MRPL4: variants seen among roughly 807,000 people sequenced by gnomAD.
MRPL4 encodes the protein mitochondrial ribosomal protein L4.
Under a neutral mutation model 34.1 loss-of-function variants are expected in MRPL4, and 34 were observed. The observed-to-expected ratio is 1.00, with a 90% CI of 0.76 to 1.33. The LOEUF (loss-of-function observed/expected upper bound fraction) is 1.33. Among genes scored for constraint, MRPL4 ranks in the 40% most tolerant of loss-of-function variants. The pLI is 0.00. For synonymous variants in MRPL4, 196 were observed against 188.3 expected (o/e 1.04, Z -0.33); for missense variants, 402 against 434.6 (o/e 0.92, Z 0.67).
chr19:10,254,659 C>A lies in MRPL4; in HGVS notation c.327+19C>A. On this transcript the variant is annotated intron_variant, in intron 4 of 8. Coordinates refer to ENST00000253099, the MANE Select transcript of MRPL4 (RefSeq NM_015956.3). ...GAGAATTGTGAGTGCCTAAATGGAG[C>A]AAGGTGGTGGGAAGGAGCTTCCTGG... The A allele has an allele frequency of 6.2e-7, 1 of 1,613,582 alleles. No individual in the cohort carries two copies. The highest frequency in any genetic ancestry group is 8.5e-7 in the Non-Finnish European group (1 of 1,179,640).
chr19:10,255,473 A>T (rs1478125307), intron 4 of MRPL4: 2 of 152,744 alleles, frequency 1.3e-5, no homozygotes, highest in Non-Finnish European at 2.9e-5. Context: ...CTACTGTAGA[A>T]GCTAACCAGA....
chr19:10,251,978 G>C (rs1381408764), upstream of MRPL4: 1 of 518,808 alleles, frequency 1.9e-6, no homozygotes, highest in African/African-American at 2.0e-5. Flanking sequence ...AAGTAGGCTA[G>C]GCCTACGGAA....
chr19:10,254,508 G>A (rs1175123321), intron 3 of MRPL4, 81 bp from the exon 4 acceptor site: 4 of 1,543,112 alleles, frequency 2.6e-6, no homozygotes, highest in Non-Finnish European at 2.7e-6. Flanking sequence ...GAGGCAGAAG[G>A]GAGAATCCTG....
intron 3 of MRPL4, among the ~76,000 whole-genome samples, chr19:10,253,722 A>G (rs926389933): frequency 2.0e-5 from 3 of 151,374 alleles, no homozygotes; most frequent in African/African-American, 7.3e-5. Context: ...ACCTGGGGAG[A>G]TGGAGGTTGC....
chr19:10,254,949 T>C, intron 4 of MRPL4: 1 of 200,628 alleles, frequency 5.0e-6, no homozygotes. Flanking sequence ...GGATTACAGG[T>C]GTGCACCACC....
In MRPL4 at chr19:10,252,282, G is replaced by T. The variant is rs760584743; in HGVS notation, c.29G>T (p.Arg10Leu). Residue 10 changes from arginine (R) to leucine (L), a missense_variant, in exon 1 of 9, where the codon CGG becomes CTG. By Grantham distance (102) the Arg-to-Leu change is moderately radical (BLOSUM62 -2). Coordinates refer to ENST00000253099, the MANE Select transcript of MRPL4 (RefSeq NM_015956.3). MLQFVRAGA[R>L]AWLRPTGSQG... ...CTGCAGTTCGTCCGGGCCGGGGCGC[G>T]GGCCTGGCTTCGGCCTACCGGCAGC... is the stretch of plus-strand genomic sequence containing the variant. 1 of 1,608,746 alleles carries T rather than the reference G, an allele frequency of 6.2e-7. No homozygotes were observed. Among genetic ancestry groups the T allele is most frequent in the East Asian group, 2.2e-5 (1 of 44,800 alleles).
chr19:10,252,277 G>C lies in MRPL4; in HGVS notation c.24G>C (p.Gly8=), dbSNP rs1367685911. ...CGATGCTGCAGTTCGTCCGGGCCGG[G>C]GCGCGGGCCTGGCTTCGGCCTACCG... MLQFVRA[G]ARAWLRPTGS... The change falls in exon 1 of 9, where the codon GGG becomes GGC. Residue 8 remains glycine, a synonymous_variant. Coordinates refer to ENST00000253099, the MANE Select transcript of MRPL4 (RefSeq NM_015956.3). The C allele has an allele frequency of 6.2e-6, 10 of 1,608,810 alleles. No homozygotes were observed. Among genetic ancestry groups the C allele is most frequent in the Non-Finnish European group, 3.4e-6 (4 of 1,177,918 alleles).
rs999018956 is a variant in MRPL4 at position 10,259,987 on chromosome 19, C to T, written c.*174C>T. ...GGGGCGACTCCACGGAAAGCCCAGA[C>T]GGGCTTCTGCATCCATTCCCTCTTT... On this transcript the variant is annotated 3_prime_UTR_variant, in exon 9 of 9. Transcript: ENST00000253099. The T allele has an allele frequency of 7.1e-5, 36 of 506,428 alleles. No homozygotes were observed. Among genetic ancestry groups the T allele is most frequent in the African/African-American group, 3.4e-4 (17 of 50,256 alleles). The allele number at this position is 506,428 out of a possible 1,614,324, so 31.4% of individuals were successfully genotyped here. A position where few individuals can be genotyped will look rare whatever the true frequency, so the allele number is the denominator to read the frequency against.
At position 10,256,798 on chromosome 19, in the gene MRPL4, A is replaced by G; in HGVS notation, c.418A>G (p.Ser140Gly). ...AGGCACTGGGCGGGCCCGGCATGGC[A>G]GCATCCGCTCTCCGCTCTGGCGAGG... is the stretch of plus-strand genomic sequence containing the variant. Reference protein sequence around the residue: ...QKGTGRARHGSIRSPLWRGGG... With the variant: ...QKGTGRARHGGIRSPLWRGGG... Residue 140 changes from serine (S) to glycine (G), a missense_variant, in exon 5 of 9, where the codon AGC (serine) becomes GGC (glycine). Ser to Gly is a moderately conservative substitution (Grantham distance 56). Transcript: ENST00000253099. The G allele has an allele frequency of 7.5e-7, 1 of 1,335,268 alleles. No homozygotes were observed. Among genetic ancestry groups the G allele is most frequent in the Non-Finnish European group, 9.9e-7 (1 of 1,014,228 alleles). 82.7% of individuals were successfully genotyped at this position (1,335,268 alleles called of 1,614,324 possible). A position where few individuals can be genotyped will look rare whatever the true frequency, so the allele number is the denominator to read the frequency against.
chr19:10,258,119 C>T lies in MRPL4; in HGVS notation c.446-103C>T, dbSNP rs1205945013. On this transcript the variant is annotated intron_variant, in intron 5 of 8. Transcript: ENST00000253099. ...CCCACCCTCTCTGCCTTGTTCCTGGCAGCGCCCCCTCTCTCGTCACCCCAT... is the reference window on the plus strand; with the variant it reads ...CCCACCCTCTCTGCCTTGTTCCTGGTAGCGCCCCCTCTCTCGTCACCCCAT... 1.7e-5 allele frequency: 13 copies of T among 770,556 alleles called. No homozygotes were observed. In the Admixed American group the frequency reaches 2.3e-4, roughly 14 times the overall value. The allele number at this position is 770,556 out of a possible 1,614,324, so 47.7% of individuals were successfully genotyped here. A position where few individuals can be genotyped will look rare whatever the true frequency, so the allele number is the denominator to read the frequency against.
chr19:10,258,764 C>T (rs1303075356), intron 8 of MRPL4, 79 bp downstream of exon 8: 3 of 1,612,648 alleles, frequency 1.9e-6, no homozygotes, highest in South Asian at 1.1e-5. Context: ...AATCCGGCAT[C>T]TGGTCGCTGA....
chr19:10,259,586 G>GCCCCCCCCCCCCCCCCCCCCCCCC (rs751334496), intron 8 of MRPL4, 31 bp from the exon 9 acceptor site: 1 of 1,461,482 alleles, frequency 6.8e-7, no homozygotes. Context: ...GGCCTGACCG[G>GCCCCCCCCCCCCCCCCCCCCCCCC]CCCCCCGCCC....
Position 10,259,658 on chromosome 19 carries a change from C to G in MRPL4, c.781C>G (p.Leu261Val), listed in dbSNP as rs1489317226. The change falls in exon 9 of 9, where the codon CTG becomes GTG. Residue 261 changes from leucine (L) to valine (V), a missense_variant. By Grantham distance (32) the Leu-to-Val change is conservative. Coordinates refer to ENST00000253099, the MANE Select transcript of MRPL4 (RefSeq NM_015956.3). Reference sequence around the variant, plus strand: ...CATGCTCAAGCACCAGACGCTGGTCCTGACGCTGCCCACCGTCGCCTTCCT... The same window carrying G: ...CATGCTCAAGCACCAGACGCTGGTCGTGACGCTGCCCACCGTCGCCTTCCT... ...HSMLKHQTLV[L>V]TLPTVAFLED... 6.3e-7 allele frequency: 1 copy of G among 1,585,488 alleles called. No individual in the cohort carries two copies. The highest frequency in any genetic ancestry group is 8.6e-7 in the Non-Finnish European group (1 of 1,163,934).
chr19:10,260,014 T>C lies in MRPL4; in HGVS notation c.*201T>C, dbSNP rs879190433. 3.4e-4 allele frequency: 156 copies of C among 461,384 alleles called. 2 individuals are homozygous for C. Among genetic ancestry groups the C allele is most frequent in the Admixed American group, 1.4e-3 (33 of 23,678 alleles). 28.6% of individuals were successfully genotyped at this position (461,384 alleles called of 1,614,324 possible). ...GGCTTCTGCATCCATTCCCTCTTTTTGTTTTTAAAATAAATTGTATTTTTG... is the reference window on the plus strand; with the variant it reads ...GGCTTCTGCATCCATTCCCTCTTTTCGTTTTTAAAATAAATTGTATTTTTG... On this transcript the variant is annotated 3_prime_UTR_variant, in exon 9 of 9. Transcript: ENST00000253099.
At chr19:10,257,668 C>T (rs74868068) in intron 5 of MRPL4, among the ~76,000 whole-genome samples, 4,171 of 152,038 alleles carry the variant, frequency 0.027, 190 homozygotes, top group African/African-American at 0.094. Flanking sequence ...CTTGCTCCAC[C>T]GGAGCATGTG....
rs1287420104 is a variant in MRPL4, at chr19:10,254,601, G to A, written c.288G>A (p.Leu96=). 1.2e-6 allele frequency: 2 copies of A among 1,613,940 alleles called. No homozygotes were observed. The highest frequency in any genetic ancestry group is 8.5e-7 in the Non-Finnish European group (1 of 1,179,850). The part of the protein sequence containing the change: ...VFATAPRLDI[L]HQVAMWQKNF... ...TTCCTCCCCGCAGGCTGGACATACT[G>A]CACCAGGTTGCTATGTGGCAGAAGA... The change falls in exon 4 of 9, where the codon CTG becomes CTA. Residue 96 remains leucine (L), a synonymous_variant. Coordinates refer to ENST00000253099, the MANE Select transcript of MRPL4 (RefSeq NM_015956.3).
chr19:10,259,427 T>A, intron 8 of MRPL4, 190 bp from the exon 9 acceptor site: 1 of 1,419,452 alleles, frequency 7.0e-7, no homozygotes, highest in Non-Finnish European at 9.2e-7. Context: ...TGGGAGCAGC[T>A]CCTTGGCCAG....
chr19:10,254,776 C>T (rs1179165684), intron 4 of MRPL4, 136 bp downstream of exon 4: 9 of 759,280 alleles, frequency 1.2e-5, no homozygotes, highest in Admixed American at 5.5e-5. Flanking sequence ...AACTATTCAC[C>T]GATGGGTCCA....
At chr19:10,253,646 C>T (rs1568283403) in intron 3 of MRPL4, among the ~76,000 whole-genome samples, 1 of 151,818 alleles carries the variant, frequency 6.6e-6, no homozygotes, top group Non-Finnish European at 1.5e-5. Context: ...CAAAAATTAG[C>T]CGGACGTCTT....
Sources: allele counts gnomAD v4.1 joint callset (sites outside exome capture counted in the v4.1 genomes callset), GRCh38; gene constraint gnomAD v4.1.1; transcripts MANE v1.5; gene names NCBI Gene and HGNC (gene_info 2026-07-23, HGNC 2026-07-21).